Variants in RBM34 observed in about 807,000 individuals in gnomAD.
RBM34 encodes RNA-binding protein 34.
A neutral mutation model predicts 44.6 loss-of-function variants in RBM34; 39 were observed. The ratio of observed to expected loss-of-function variants is 0.87; its 90% CI spans 0.68 to 1.14. RBM34 has a LOEUF of 1.14. Among genes scored for constraint, RBM34 ranks in the 50% most tolerant of loss-of-function variants. The pLI is 0.00. For synonymous variants in RBM34, 194 were observed against 184.0 expected, an observed-to-expected ratio of 1.05 and a Z score of -0.44; for missense variants, 572 against 517.9, an observed-to-expected ratio of 1.10 and a Z score of -1.01.
Position 235,160,879 on chromosome 1 carries a change from G to A in RBM34, c.228+14C>T. 1.2e-6 allele frequency: 2 copies of A among 1,612,698 alleles called. No individual in the cohort carries two copies. Among genetic ancestry groups the A allele is most frequent in the Non-Finnish European group, 1.7e-6 (2 of 1,179,174 alleles). On this transcript the variant is annotated intron_variant, in intron 2 of 10. Coordinates refer to ENST00000408888, the MANE Select transcript of RBM34 (RefSeq NM_015014.4). ...TTCTAACGAGCTATTCGGGAAGAAAGCCCAGTGACTTACTTTAGGCACAGG... is the reference window on the plus strand; with the variant it reads ...TTCTAACGAGCTATTCGGGAAGAAAACCCAGTGACTTACTTTAGGCACAGG...
intron 8 of RBM34, among the ~76,000 whole-genome samples, chr1:235,136,939 G>C (rs1355159350): frequency 1.3e-5 from 2 of 152,076 alleles, no homozygotes; most frequent in African/African-American, 4.8e-5. Flanking sequence ...CCCAGACATG[G>C]CCCTCAGCCT....
At chr1:235,135,473 C>G (rs150154043) in intron 10 of RBM34, among the ~76,000 whole-genome samples, 179 bp downstream of exon 10, 1 of 152,232 alleles carries the variant, frequency 6.6e-6, no homozygotes, top group African/African-American at 2.4e-5. Context: ...AAGAGATTCA[C>G]CCGTCTCGGC....
Position 235,131,542 on chromosome 1 carries a change from G to A in RBM34, c.*171C>T, listed in dbSNP as rs894363412. 3 of 734,782 alleles carry A rather than the reference G, an allele frequency of 4.1e-6. No individual in the cohort carries two copies. The highest frequency in any genetic ancestry group is 6.3e-6 in the Non-Finnish European group (3 of 478,076). 45.5% of individuals were successfully genotyped at this position (734,782 alleles called of 1,614,324 possible). A position where few individuals can be genotyped will look rare whatever the true frequency, so the allele number is the denominator to read the frequency against. On this transcript the variant is annotated 3_prime_UTR_variant, in exon 11 of 11. Transcript: ENST00000408888. Reference sequence around the variant, plus strand: ...AAACAAAAACAAAAAAACCTTCAAAGGTAGTATCACAATGTGAATAAACTG... The same window carrying A: ...AAACAAAAACAAAAAAACCTTCAAAAGTAGTATCACAATGTGAATAAACTG...
chr1:235,135,820 G>A, intron 9 of RBM34, 50 bp from the exon 10 acceptor site: 1 of 1,491,480 alleles, frequency 6.7e-7, no homozygotes, highest in Non-Finnish European at 9.4e-7. Flanking sequence ...GAGCCCCTCA[G>A]AAACATGGAG....
intron 6 of RBM34, among the ~76,000 whole-genome samples, chr1:235,140,888 G>A (rs1417817478): frequency 1.3e-5 from 2 of 152,210 alleles, no homozygotes; most frequent in East Asian, 1.9e-4. Flanking sequence ...ACTCTGGTGG[G>A]ACCTTGGAGA....
chr1:235,141,656 G>A (rs1055834874), intron 6 of RBM34, among the ~76,000 whole-genome samples: 3 of 152,112 alleles, frequency 2.0e-5, no homozygotes, highest in Non-Finnish European at 2.9e-5. Flanking sequence ...TTGGGTCCAC[G>A]CTGCTTTTAT....
rs202101761 is a variant in RBM34, at chr1:235,161,183, A to G, written c.44T>C (p.Val15Ala). Residue 15 changes from valine to alanine, a missense_variant, in exon 1 of 11, where the codon GTC (valine) becomes GCC (alanine). Coordinates refer to ENST00000408888, the MANE Select transcript of RBM34 (RefSeq NM_015014.4). ...GMSKRKRKRS[V>A]QEGENPDDGV... ...GCCGCGCGCCACTCACCCCTCCTGG[A>G]CACTTCTCTTTCTCTTCCGTTTGCT... 1.7e-4 allele frequency: 277 copies of G among 1,607,450 alleles called. No homozygotes were observed. Among genetic ancestry groups the G allele is most frequent in the Non-Finnish European group, 2.2e-4 (256 of 1,175,834 alleles).
chr1:235,136,473 C>T (rs1661437166), intron 8 of RBM34, among the ~76,000 whole-genome samples: 1 of 152,128 alleles, frequency 6.6e-6, no homozygotes, highest in Non-Finnish European at 1.5e-5. Context: ...ATGGATGTCG[C>T]TGTGTGTCAA....
intron 5 of RBM34, among the ~76,000 whole-genome samples, chr1:235,152,281 CAT>C (rs1320729621): frequency 2.0e-5 from 3 of 152,166 alleles, no homozygotes; most frequent in African/African-American, 4.8e-5. Flanking sequence ...ATTAAATTGA[CAT>C]AAATTCTTTA....
chr1:235,160,895 T>A lies in RBM34; in HGVS notation c.226A>T (p.Lys76Ter), dbSNP rs1278619395. The A allele has an allele frequency of 6.2e-7, 1 of 1,613,786 alleles. No homozygotes were observed. The highest frequency in any genetic ancestry group is 2.2e-5 in the East Asian group (1 of 44,868). Residue 76 changes from lysine (K) to a stop codon, truncating the protein, a stop_gained and splice_region_variant, in exon 2 of 11, where the codon AAA (lysine) becomes TAA (stop). Coordinates refer to ENST00000408888, the MANE Select transcript of RBM34 (RefSeq NM_015014.4). LOFTEE classifies it high-confidence loss of function. ...QIQPVYVPVPKQTIKKTKRNE... is the reference protein window; with the variant it reads ...QIQPVYVPVP ...GGGAAGAAAGCCCAGTGACTTACTTTAGGCACAGGCACGTACACGGGTTGA... is the reference window on the plus strand; with the variant it reads ...GGGAAGAAAGCCCAGTGACTTACTTAAGGCACAGGCACGTACACGGGTTGA...
chr1:235,157,597 C>A (rs983858281), intron 3 of RBM34, among the ~76,000 whole-genome samples: 27 of 152,242 alleles, frequency 1.8e-4, no homozygotes, highest in African/African-American at 5.5e-4. Flanking sequence ...ACAAGAGATA[C>A]TGCCCCCAAC....
intron 5 of RBM34, 84 bp downstream of exon 5, chr1:235,152,622 C>T: frequency 1.3e-6 from 2 of 1,551,780 alleles, no homozygotes; most frequent in East Asian, 2.3e-5. Flanking sequence ...AGTGCTTCAC[C>T]ATCTCACTAA....
intron 5 of RBM34, among the ~76,000 whole-genome samples, chr1:235,150,603 C>G (rs1382413054): frequency 6.6e-6 from 1 of 152,140 alleles, no homozygotes; most frequent in Admixed American, 6.5e-5. Flanking sequence ...AGAAAACCCA[C>G]GTGTAGAGGA....
At chr1:235,160,845 TG>T in intron 2 of RBM34, 47 bp downstream of exon 2, 2 of 1,601,472 alleles carry the variant, frequency 1.2e-6, no homozygotes, top group Non-Finnish European at 1.7e-6. Flanking sequence ...TTGCTTTGTA[TG>T]TAAGTGGTTC....
At chr1:235,145,238 T>C (rs1661851901) in intron 6 of RBM34, among the ~76,000 whole-genome samples, 1 of 151,258 alleles carries the variant, frequency 6.6e-6, no homozygotes, top group South Asian at 2.1e-4. Flanking sequence ...AAATTAGAAA[T>C]ACCACACTCA....
At chr1:235,138,866 T>A (rs1011849926) in intron 6 of RBM34, among the ~76,000 whole-genome samples, 7 of 152,198 alleles carry the variant, frequency 4.6e-5, no homozygotes, top group Admixed American at 3.9e-4. Flanking sequence ...CCTGCAGAAT[T>A]CCCCACAGCC....
intron 4 of RBM34, among the ~76,000 whole-genome samples, chr1:235,154,111 TG>T (rs1662290522): frequency 1.3e-5 from 2 of 151,990 alleles, no homozygotes; most frequent in Non-Finnish European, 2.9e-5. Flanking sequence ...CTGGGCGTGG[TG>T]GCGGGCGCTT....
In RBM34 at chr1:235,160,637, T is replaced by C. The variant is rs1662670066; in HGVS notation, c.239A>G (p.Lys80Arg). ...VYVPVPKQTIKKTKRNEEEES... is the reference protein window; with the variant it reads ...VYVPVPKQTIRKTKRNEEEES... ...TTCCTCCTCATTCCGTTTCGTTTTT[T>C]TGATGGTTTGCTTTTTAAAAGTTTG... Residue 80 changes from lysine to arginine, a missense_variant, in exon 3 of 11, where the codon AAA becomes AGA. Physicochemically the swap from Lys to Arg is conservative, Grantham distance 26. Coordinates refer to ENST00000408888, the MANE Select transcript of RBM34 (RefSeq NM_015014.4). The C allele has an allele frequency of 2.5e-6, 4 of 1,610,674 alleles. No individual in the cohort carries two copies. The highest frequency in any genetic ancestry group is 1.3e-5 in the African/African-American group (1 of 74,658).
rs181912829 is a variant in RBM34 at position 235,136,375 on chromosome 1, T to C, written c.850-302A>G. Among the ~76,000 whole-genome samples, 3 of 152,304 alleles carry C rather than the reference T, an allele frequency of 2.0e-5. No homozygotes were observed. In the East Asian group the frequency reaches 5.8e-4, roughly 29 times the overall value. ...GTAAAGGGCCAGATAGCAAATATTA[T>C]AGGCTTGGCAGGCCATGTGGAATCT... is the stretch of plus-strand genomic sequence containing the variant. On this transcript the variant is annotated intron_variant, in intron 8 of 10. Transcript: ENST00000408888.
Sources: gnomAD v4.1 joint callset for allele counts (sites outside exome capture counted in the v4.1 genomes callset) on GRCh38, gnomAD v4.1.1 for gene constraint, MANE v1.5 for transcripts, NCBI Gene and HGNC (gene_info 2026-07-23, HGNC 2026-07-21) for gene names.